SEMA6B: variants seen among roughly 807,000 people sequenced by gnomAD.
SEMA6B encodes semaphorin 6B.
In SEMA6B, 47 loss-of-function variants were observed where a neutral mutation model predicts 78.6. That is an observed-to-expected ratio of 0.60 (90% CI 0.47 to 0.76). The LOEUF (loss-of-function observed/expected upper bound fraction) is 0.76. SEMA6B is among the 30% of genes least tolerant of loss of function. The probability of loss-of-function intolerance (pLI) is 0.00; values close to 1 mark genes in which losing one functional copy is unlikely to be tolerated. For synonymous variants in SEMA6B, 632 were observed against 592.2 expected (o/e 1.07, Z -0.98); for missense variants, 1,213 against 1,269.9 (o/e 0.96, Z 0.68).
Position 4,543,671 on chromosome 19 carries a change from C to A in SEMA6B, c.2597G>T (p.Arg866Leu). 13 of 1,230,906 alleles carry A rather than the reference C, an allele frequency of 1.1e-5. No individual in the cohort carries two copies. Among genetic ancestry groups the A allele is most frequent in the Non-Finnish European group, 1.3e-5 (13 of 987,332 alleles). The allele number at this position is 1,230,906 out of a possible 1,614,324, so 76.2% of individuals were successfully genotyped here. ...GAGGTGGGCCAAGTCTGTGCCCGGCCGGGCGTGGCAGCCGCGGTGGCGGTC... is the reference window on the plus strand; with the variant it reads ...GAGGTGGGCCAAGTCTGTGCCCGGCAGGGCGTGGCAGCCGCGGTGGCGGTC... ...PGDRHRGCHA[R>L]PGTDLAHLLP... The change falls in exon 17 of 17, where the codon CGG becomes CTG. Residue 866 changes from arginine (R) to leucine (L), a missense_variant. Coordinates refer to ENST00000586582, the MANE Select transcript of SEMA6B (RefSeq NM_032108.4).
At position 4,555,849 on chromosome 19, in the gene SEMA6B, G is replaced by GGGA; in HGVS notation, c.471+136_471+138dup. 1 of 741,944 alleles carries GGGA rather than the reference G, an allele frequency of 1.3e-6. No individual in the cohort carries two copies. The highest frequency in any genetic ancestry group is 2.4e-6 in the Non-Finnish European group (1 of 424,208). 46.0% of individuals were successfully genotyped at this position (741,944 alleles called of 1,614,324 possible). On this transcript the variant is annotated intron_variant, in intron 6 of 16. Coordinates refer to ENST00000586582, the MANE Select transcript of SEMA6B (RefSeq NM_032108.4). The surrounding 1 kb of genome is among the most constrained non-coding windows in gnomAD (Gnocchi z 6.1). ...AGCGCTGACTCCTCTTGAGCTCAGG[G>GGGA]GGAGGAGGCAGGGAGAGTATATCCA...
At chr19:4,553,589 A>G (rs1977392172) in intron 9 of SEMA6B, among the ~76,000 whole-genome samples, 1 of 142,456 alleles carries the variant, frequency 7.0e-6, no homozygotes, top group Non-Finnish European at 1.5e-5. Flanking sequence ...GATGAGATGG[A>G]AGGGTGGATG....
chr19:4,558,151 T>C lies in SEMA6B; in HGVS notation c.122-2A>G. The stretch of plus-strand genomic sequence containing the variant: ...CAAACACGGGATAGTGGTTCAGGTC[T>C]GAGTGAGGGGGTGGAGAGGGGTGTG... On this transcript the variant is annotated splice_acceptor_variant, in intron 2 of 16. Transcript: ENST00000586582. LOFTEE classifies it high-confidence loss of function. The surrounding 1 kb of genome is among the most constrained non-coding windows in gnomAD (Gnocchi z 5.1). 1 of 1,462,448 alleles carries C rather than the reference T, an allele frequency of 6.8e-7. No homozygotes were observed. The highest frequency in any genetic ancestry group is 9.1e-7 in the Non-Finnish European group (1 of 1,093,792). 90.6% of individuals were successfully genotyped at this position (1,462,448 alleles called of 1,614,324 possible). A position where few individuals can be genotyped will look rare whatever the true frequency, so the allele number is the denominator to read the frequency against.
At chr19:4,548,904 C>T (rs755297455) in intron 12 of SEMA6B, among the ~76,000 whole-genome samples, 46 of 152,262 alleles carry the variant, frequency 3.0e-4, no homozygotes, top group Non-Finnish European at 5.7e-4. Context: ...GGCTCGATCT[C>T]GCCTCCTGGG....
intron 12 of SEMA6B, 103 bp from the exon 13 acceptor site, chr19:4,548,548 C>G: frequency 2.9e-6 from 3 of 1,050,576 alleles, no homozygotes; most frequent in Non-Finnish European, 4.2e-6. Flanking sequence ...CACTGACACA[C>G]CAACACATGT....
chr19:4,552,651 A>T lies in SEMA6B; in HGVS notation c.772-12T>A, dbSNP rs749691392. 6.3e-7 allele frequency: 1 copy of T among 1,590,794 alleles called. No homozygotes were observed. The highest frequency in any genetic ancestry group is 1.7e-4 in the Middle Eastern group (1 of 5,908). On this transcript the variant is annotated splice_polypyrimidine_tract_variant and intron_variant, in intron 9 of 16. Transcript: ENST00000586582. This position sits in a 1 kb window ranked among gnomAD's most constrained non-coding sequence, Gnocchi z 7.4. ...CGGGACACCACCACCTGGGCGTGAC[A>T]GTGGACGGACGGGGGCCTGAGCTCT...
intron 12 of SEMA6B, among the ~76,000 whole-genome samples, chr19:4,549,128 G>C (rs765121892): frequency 6.6e-6 from 1 of 151,378 alleles, no homozygotes; most frequent in African/African-American, 2.4e-5. Context: ...GCCCAGCCCC[G>C]CTTTCTCCTG....
chr19:4,555,436 G>T lies in SEMA6B; in HGVS notation c.562+38C>A. 6.4e-7 allele frequency: 1 copy of T among 1,563,560 alleles called. No homozygotes were observed. Among genetic ancestry groups the T allele is most frequent in the Non-Finnish European group, 8.7e-7 (1 of 1,144,230 alleles). On this transcript the variant is annotated intron_variant, in intron 7 of 16. Transcript: ENST00000586582. The surrounding 1 kb of genome is among the most constrained non-coding windows in gnomAD (Gnocchi z 6.1). ...TAGAAAATGCCAGGTCTTGCCTGTGGCTGGGGCTGATCAGATGGAGGTTGG... is the reference window on the plus strand; with the variant it reads ...TAGAAAATGCCAGGTCTTGCCTGTGTCTGGGGCTGATCAGATGGAGGTTGG...
At position 4,543,763 on chromosome 19, in the gene SEMA6B, G is replaced by T; in HGVS notation, c.2505C>A (p.Pro835=). ...PTGSLRRPLG[P]HAPPAATLRR... is the part of the protein sequence containing the mutation. Reference sequence around the variant, plus strand: ...GCAGGGTGGCGGCCGGAGGGGCGTGGGGGCCCAGTGGCCTCCTCAGGCTGC... The same window carrying T: ...GCAGGGTGGCGGCCGGAGGGGCGTGTGGGCCCAGTGGCCTCCTCAGGCTGC... Residue 835 remains proline (P), a synonymous_variant, in exon 17 of 17, where the codon CCC becomes CCA. Coordinates refer to ENST00000586582, the MANE Select transcript of SEMA6B (RefSeq NM_032108.4). 2 of 1,225,090 alleles carry T rather than the reference G, an allele frequency of 1.6e-6. No individual in the cohort carries two copies. The highest frequency in any genetic ancestry group is 2.0e-6 in the Non-Finnish European group (2 of 983,712). The allele number at this position is 1,225,090 out of a possible 1,614,324, so 75.9% of individuals were successfully genotyped here.
intron 9 of SEMA6B, 94 bp downstream of exon 9, chr19:4,554,294 C>T (rs1977412332): frequency 1.0e-6 from 1 of 1,003,480 alleles, no homozygotes. Flanking sequence ...GCAGGACCCT[C>T]TCACCCCATG....
At position 4,558,472 on chromosome 19, in the gene SEMA6B, G is replaced by C. The variant is rs1334532691; in HGVS notation, c.-15C>G. On this transcript the variant is annotated 5_prime_UTR_variant, in exon 2 of 17. Coordinates refer to ENST00000586582, the MANE Select transcript of SEMA6B (RefSeq NM_032108.4). The surrounding 1 kb of genome is among the most constrained non-coding windows in gnomAD (Gnocchi z 5.1). The stretch of plus-strand genomic sequence containing the variant: ...GGGGTCTGCATGGCGAGGGCCAGGC[G>C]ACAGGAGGAGGTGACGCCTGCGGGC... The C allele has an allele frequency of 2.4e-6, 3 of 1,240,108 alleles. No homozygotes were observed. Among genetic ancestry groups the C allele is most frequent in the Admixed American group, 4.2e-5 (1 of 23,804 alleles). 76.8% of individuals were successfully genotyped at this position (1,240,108 alleles called of 1,614,324 possible).
Position 4,550,397 on chromosome 19 carries a change from C to T in SEMA6B, c.1122-125G>A. On this transcript the variant is annotated intron_variant, in intron 11 of 16. Transcript: ENST00000586582. The surrounding 1 kb of genome is among the most constrained non-coding windows in gnomAD (Gnocchi z 6.6). ...TTTTTTGTTTGTTTTGTTTTTGAGACAGAGTCTCAATCTGTCGCCCAGGCT... is the reference window on the plus strand; with the variant it reads ...TTTTTTGTTTGTTTTGTTTTTGAGATAGAGTCTCAATCTGTCGCCCAGGCT... 1 of 1,065,554 alleles carries T rather than the reference C, an allele frequency of 9.4e-7. No homozygotes were observed. Among genetic ancestry groups the T allele is most frequent in the Non-Finnish European group, 1.4e-6 (1 of 734,358 alleles). 66.0% of individuals were successfully genotyped at this position (1,065,554 alleles called of 1,614,324 possible). A position where few individuals can be genotyped will look rare whatever the true frequency, so the allele number is the denominator to read the frequency against.
chr19:4,558,114 GC>G lies in SEMA6B; in HGVS notation c.156del (p.Gly54AspfsTer3). 1.3e-6 allele frequency: 2 copies of G among 1,523,942 alleles called. No individual in the cohort carries two copies. Among genetic ancestry groups the G allele is most frequent in the Non-Finnish European group, 1.8e-6 (2 of 1,128,564 alleles). The allele number at this position is 1,523,942 out of a possible 1,614,324, so 94.4% of individuals were successfully genotyped here. A position where few individuals can be genotyped will look rare whatever the true frequency, so the allele number is the denominator to read the frequency against. On this transcript the variant is annotated frameshift_variant, in exon 3 of 17. Transcript: ENST00000586582. LOFTEE classifies it high-confidence loss of function. This position sits in a 1 kb window ranked among gnomAD's most constrained non-coding sequence, Gnocchi z 5.1. ...CCTTCTGCGGGGGTCAGGCGTCCGG[GC>G]CCGCTGCCCACAAACACGGGATAGT... Reference protein sequence around the residue: ...LNHYPVFVGSGPGRLTPAEGA... With the variant: ...LNHYPVFVGSXPGRLTPAEGA...
In SEMA6B at chr19:4,544,411, G is replaced by C. The variant is rs1391483399; in HGVS notation, c.1857C>G (p.Gly619=). The change falls in exon 17 of 17, where the codon GGC becomes GGG. Residue 619 remains glycine, a synonymous_variant. Transcript: ENST00000586582. The surrounding 1 kb of genome is among the most constrained non-coding windows in gnomAD (Gnocchi z 5.1). ...VGAVVSGFSV[G]WFVGLRERRE... ...GCCGCTCACGGAGGCCCACGAACCA[G>C]CCCACGCTGAAGCCGGACACCACGG... 6.2e-7 allele frequency: 1 copy of C among 1,603,962 alleles called. No individual in the cohort carries two copies. The highest frequency in any genetic ancestry group is 8.5e-7 in the Non-Finnish European group (1 of 1,176,428).
Position 4,555,483 on chromosome 19 carries a change from G to C in SEMA6B, c.553C>G (p.Leu185Val). The C allele has an allele frequency of 1.2e-6, 2 of 1,612,476 alleles. No homozygotes were observed. The highest frequency in any genetic ancestry group is 1.7e-6 in the Non-Finnish European group (2 of 1,179,332). Residue 185 changes from leucine to valine, a missense_variant, in exon 7 of 17, where the codon CTC becomes GTC. Leu to Val is a conservative substitution (Grantham distance 32). Transcript: ENST00000586582. The surrounding 1 kb of genome is among the most constrained non-coding windows in gnomAD (Gnocchi z 6.1). ...TTGGGGGGGTACTTACCAGAGAAGA[G>C]GGCAACATTGGCGTGCTTGGGGTCG... Reference protein sequence around the residue: ...PYDPKHANVALFSDGMLFTAT... With the variant: ...PYDPKHANVAVFSDGMLFTAT...
rs760868793 is a variant in SEMA6B at position 4,557,028 on chromosome 19, A to G, written c.307-15T>C. On this transcript the variant is annotated splice_polypyrimidine_tract_variant and intron_variant, in intron 4 of 16. Coordinates refer to ENST00000586582, the MANE Select transcript of SEMA6B (RefSeq NM_032108.4). ...CAGGTCAGCTTCTGCAGACAGAGAGAGCTGGTGAGGGGGTAACGGGTCCCA... is the reference window on the plus strand; with the variant it reads ...CAGGTCAGCTTCTGCAGACAGAGAGGGCTGGTGAGGGGGTAACGGGTCCCA... The G allele has an allele frequency of 4.5e-5, 73 of 1,611,762 alleles. No individual in the cohort carries two copies. Among genetic ancestry groups the G allele is most frequent in the Non-Finnish European group, 5.9e-5 (70 of 1,178,944 alleles).
Position 4,559,652 on chromosome 19 carries a change from A to G in SEMA6B, c.-155T>C, listed in dbSNP as rs1235024309. 2.0e-5 allele frequency: 3 copies of G among 152,222 alleles called. No individual in the cohort carries two copies. The highest frequency in any genetic ancestry group is 2.0e-4 in the Admixed American group (3 of 15,262). The allele number at this position is 152,222 out of a possible 1,614,324, so 9.4% of individuals were successfully genotyped here. A position where few individuals can be genotyped will look rare whatever the true frequency, so the allele number is the denominator to read the frequency against. On this transcript the variant is annotated 5_prime_UTR_variant, in exon 1 of 17. Transcript: ENST00000586582. ...TGTCTGAGCAGCAGGGGTATCCCCC[A>G]GCCCTGCCCTGGCCTTCTGGCTCAG...
chr19:4,546,510 CACTT>C, intron 14 of SEMA6B, 41 bp from the exon 15 acceptor site: 1 of 1,449,208 alleles, frequency 6.9e-7, no homozygotes, highest in Non-Finnish European at 9.3e-7. Flanking sequence ...GTGTCCAAGT[CACTT>C]ACACAACCCC....
rs1292218613 is a variant in SEMA6B at position 4,543,873 on chromosome 19, G to A, written c.2395C>T (p.Arg799Trp). The A allele has an allele frequency of 8.3e-6, 10 of 1,206,814 alleles. No homozygotes were observed. The highest frequency in any genetic ancestry group is 4.1e-5 in the South Asian group (1 of 24,120). The allele number at this position is 1,206,814 out of a possible 1,614,324, so 74.8% of individuals were successfully genotyped here. A position where few individuals can be genotyped will look rare whatever the true frequency, so the allele number is the denominator to read the frequency against. ...GGGCCCGTGGGCGCGGACACCACCC[G>A]CCGGCGGTCCGGGCTGGCGTGGGGG... ...LTPHASPDRR[R>W]VVSAPTGPLD... The change falls in exon 17 of 17, where the codon CGG becomes TGG. Residue 799 changes from arginine (R) to tryptophan (W), a missense_variant. Physicochemically the swap from Arg to Trp is moderately radical, Grantham distance 101. Transcript: ENST00000586582.
Sources: allele counts gnomAD v4.1 joint callset (sites outside exome capture counted in the v4.1 genomes callset), GRCh38; gene constraint gnomAD v4.1.1; non-coding constraint Gnocchi (gnomAD v3.1); transcripts MANE v1.5; gene names NCBI Gene and HGNC (gene_info 2026-07-23, HGNC 2026-07-21).